The following EYS variants were observed in gnomAD, a reference collection of about 807,000 sequenced individuals.
EYS encodes protein eyes shut homolog.
EYS carries 250 observed loss-of-function variants against 282.1 expected under a neutral mutation model. That is an observed-to-expected ratio of 0.89 (90% CI 0.80 to 0.98). EYS has a LOEUF of 0.98. Ranked by LOEUF, EYS falls within the 50% of genes least tolerant of loss-of-function variation. The pLI is 0.00. For missense variants in EYS, 4,016 were observed against 3,709.0 expected, an observed-to-expected ratio of 1.08 and a Z score of -2.15; for synonymous variants, 1,355 against 1,282.9, an observed-to-expected ratio of 1.06 and a Z score of -1.20.
chr6:64,587,557 AC>A (rs915625079), intron 26 of EYS, among the ~76,000 whole-genome samples: 1 of 152,074 alleles, frequency 6.6e-6, no homozygotes, highest in Non-Finnish European at 1.5e-5. Context: ...GTGACTTTAT[AC>A]AACCACTATT....
chr6:64,340,149 C>A (rs1771044414), intron 29 of EYS, among the ~76,000 whole-genome samples: 1 of 150,656 alleles, frequency 6.6e-6, no homozygotes. Context: ...ATGAAAGAGC[C>A]CTATCCTCTG....
At chr6:63,744,237 A>G (rs1207606718) in intron 41 of EYS, 1 of 152,144 alleles carries the variant, frequency 6.6e-6, no homozygotes, top group Non-Finnish European at 1.5e-5. Context: ...AGTTACCATG[A>G]TATTGGGCAT....
intron 31 of EYS, among the ~76,000 whole-genome samples, chr6:64,192,500 A>G (rs770345246): frequency 6.6e-6 from 1 of 152,126 alleles, no homozygotes; most frequent in Non-Finnish European, 1.5e-5. Context: ...TCAATGGAAT[A>G]GAACAGAGCC....
intron 14 of EYS, among the ~76,000 whole-genome samples, chr6:64,984,043 G>A (rs970720572): frequency 5.3e-5 from 8 of 151,360 alleles, no homozygotes; most frequent in Non-Finnish European, 8.9e-5. Flanking sequence ...CTGGAATTAC[G>A]AGATCTGATT....
intron 35 of EYS, among the ~76,000 whole-genome samples, chr6:63,924,672 T>G (rs1764667081): frequency 6.6e-6 from 1 of 152,306 alleles, no homozygotes; most frequent in African/African-American, 2.4e-5. Context: ...ATTCCTGATG[T>G]GTAAAATATG....
chr6:65,620,576 A>C (rs1248436990), intron 2 of EYS, among the ~76,000 whole-genome samples: 3 of 149,454 alleles, frequency 2.0e-5, no homozygotes, highest in African/African-American at 7.5e-5. Flanking sequence ...GATTTTAGTT[A>C]TTTCTTGCCT....
intron 19 of EYS, among the ~76,000 whole-genome samples, chr6:64,870,286 T>C (rs1011958200): frequency 3.3e-5 from 5 of 151,684 alleles, no homozygotes; most frequent in African/African-American, 1.2e-4. Context: ...TAGAAAGTGA[T>C]TGTGAATACT....
At chr6:65,414,785 T>G (rs1435198354) in intron 5 of EYS, among the ~76,000 whole-genome samples, 1 of 152,040 alleles carries the variant, frequency 6.6e-6, no homozygotes, top group African/African-American at 2.4e-5. Flanking sequence ...GATAAATATT[T>G]GAGATTTGCC....
chr6:65,044,116 T>C lies in EYS; in HGVS notation c.2137+13498A>G, dbSNP rs1773026484. On this transcript the variant is annotated intron_variant, in intron 13 of 42. Coordinates refer to ENST00000503581, the MANE Select transcript of EYS (RefSeq NM_001142800.2). ...TGATATTTCGTTGTGGTTTTTATAATATTTGTATTTCCCTCATGCTTAGTG... is the reference window on the plus strand; with the variant it reads ...TGATATTTCGTTGTGGTTTTTATAACATTTGTATTTCCCTCATGCTTAGTG... Among the ~76,000 whole-genome samples, 3 of 151,704 alleles carry C rather than the reference T, an allele frequency of 2.0e-5. No individual in the cohort carries two copies. In the South Asian group the frequency reaches 6.2e-4, roughly 31 times the overall value.
intron 12 of EYS, among the ~76,000 whole-genome samples, chr6:65,276,281 G>A (rs1768045587): frequency 6.6e-6 from 1 of 152,098 alleles, no homozygotes; most frequent in African/African-American, 2.4e-5. Flanking sequence ...AGGATAGGAA[G>A]AGTAGAAATA....
chr6:63,952,416 T>C (rs1765636283), intron 35 of EYS, among the ~76,000 whole-genome samples: 1 of 152,210 alleles, frequency 6.6e-6, no homozygotes, highest in African/African-American at 2.4e-5. Flanking sequence ...GGGTAATTCT[T>C]ACAGTGGAGG....
chr6:64,836,735 G>A (rs985140909), intron 19 of EYS, among the ~76,000 whole-genome samples: 2 of 151,544 alleles, frequency 1.3e-5, no homozygotes, highest in South Asian at 2.1e-4. Flanking sequence ...TGTAGAAAAC[G>A]GCATAATTTA....
intron 14 of EYS, among the ~76,000 whole-genome samples, chr6:64,950,792 CATATACATATATATATATATATAT>C (rs1439106364): frequency 3.3e-5 from 2 of 60,922 alleles, no homozygotes; most frequent in African/African-American, 7.1e-5. Context: ...TACACATATA[CATATACATATATATATATATATAT>C]ATATATATAT....
Position 63,904,271 on chromosome 6 carries a change from A to G in EYS, c.7056-39913T>C, listed in dbSNP as rs1370326532. 2.0e-5 allele frequency among the ~76,000 whole-genome samples: 3 copies of G among 152,204 alleles called. No individual in the cohort carries two copies. The East Asian group carries it at 5.8e-4, about 29-fold the overall frequency. ...TGACCCGAGTTGTTTCCAGTAACTCAGTCTGATACATTTATTTCTCATATT... is the reference window on the plus strand; with the variant it reads ...TGACCCGAGTTGTTTCCAGTAACTCGGTCTGATACATTTATTTCTCATATT... On this transcript the variant is annotated intron_variant, in intron 35 of 42. Coordinates refer to ENST00000503581, the MANE Select transcript of EYS (RefSeq NM_001142800.2).
intron 19 of EYS, among the ~76,000 whole-genome samples, chr6:64,829,873 G>A (rs1186106843): frequency 6.6e-6 from 1 of 151,906 alleles, no homozygotes; most frequent in African/African-American, 2.4e-5. Flanking sequence ...TAGGTTCCAG[G>A]AATCTAGAGG....
At chr6:65,175,204 A>C (rs1318104607) in intron 12 of EYS, among the ~76,000 whole-genome samples, 1 of 151,424 alleles carries the variant, frequency 6.6e-6, no homozygotes, top group African/African-American at 2.4e-5. Context: ...GTTTTAAGGT[A>C]AGATAATATC....
chr6:64,159,559 T>TAGAAAA lies in EYS; in HGVS notation c.6424+71032_6424+71033insTTTTCT, dbSNP rs1182477672. Among the ~76,000 whole-genome samples the TAGAAAA allele has an allele frequency of 5.0e-5, 3 of 59,944 alleles. No individual in the cohort carries two copies. In the Admixed American group the frequency reaches 7.3e-4, roughly 15 times the overall value. The allele number at this position is 59,944 out of a possible 152,430, so 39.3% of individuals were successfully genotyped here. A position where few individuals can be genotyped will look rare whatever the true frequency, so the allele number is the denominator to read the frequency against. ...TGGGCGACAGAGCGAGACTCTGTCT[T>TAGAAAA]AAAAAAAAAAAAAAAAAAAAAAAAA... On this transcript the variant is annotated intron_variant, in intron 31 of 42. Transcript: ENST00000503581.
intron 13 of EYS, among the ~76,000 whole-genome samples, chr6:65,016,168 C>T (rs539556271): frequency 5.3e-5 from 8 of 150,830 alleles, no homozygotes; most frequent in East Asian, 3.9e-4. Flanking sequence ...GCTCAAGACC[C>T]GCTTGGATAA....
intron 2 of EYS, among the ~76,000 whole-genome samples, chr6:65,562,149 T>C (rs750133906): frequency 1.1e-4 from 17 of 151,988 alleles, no homozygotes; most frequent in Non-Finnish European, 2.2e-4. Context: ...CTGACTACTA[T>C]ATTTCCTCTG....
Sources: allele counts gnomAD v4.1 joint callset (sites outside exome capture counted in the v4.1 genomes callset), GRCh38; gene constraint gnomAD v4.1.1; transcripts MANE v1.5; gene names NCBI Gene and HGNC (gene_info 2026-07-23, HGNC 2026-07-21).